MECOM: variants seen among roughly 807,000 people sequenced by gnomAD.
The protein encoded by MECOM is MDS1 and EVI1 complex locus, also known as histone-lysine N-methyltransferase MECOM.
A neutral mutation model predicts 116.3 loss-of-function variants in MECOM; 13 were observed. The observed-to-expected ratio is 0.11, with a 90% CI of 0.07 to 0.18. The LOEUF is 0.18. Ranked by LOEUF, MECOM falls within the 10% of genes least tolerant of loss-of-function variation. The pLI, the probability that MECOM is intolerant of heterozygous loss-of-function variation, is 1.00. For missense variants in MECOM, 1,299 were observed against 1,509.0 expected (o/e 0.86, Z 2.31); for synonymous variants, 528 against 535.2 (o/e 0.99, Z 0.19).
chr3:169,539,343 C>T (rs11718241), intron 1 of MECOM, among the ~76,000 whole-genome samples: 31,822 of 151,972 alleles, frequency 0.21, 4,419 homozygotes, highest in East Asian at 0.69. Context: ...CCCCATAGGA[C>T]CTCAACTTCT....
intron 1 of MECOM, among the ~76,000 whole-genome samples, chr3:169,600,955 T>C (rs1207519113): frequency 6.6e-6 from 1 of 152,216 alleles, no homozygotes; most frequent in African/African-American, 2.4e-5. Flanking sequence ...CATTCAGTGG[T>C]TCAAGATCCT....
chr3:169,643,769 A>G (rs1347372760), intron 1 of MECOM, among the ~76,000 whole-genome samples: 1 of 152,152 alleles, frequency 6.6e-6, no homozygotes, highest in African/African-American at 2.4e-5. Flanking sequence ...ACAGCTTCCT[A>G]TTTTATCTCA....
rs749381436 is a variant in MECOM, at chr3:169,305,902, G to T, written c.375+75285C>A. Among the ~76,000 whole-genome samples the T allele has an allele frequency of 3.3e-5, 5 of 151,476 alleles. No homozygotes were observed. The East Asian group carries it at 9.7e-4, about 29-fold the overall frequency. ...TCAGTTTTTTAACCCTGTAACAATGGCAGTTATTGGGAATGTCTCTCCACC... is the reference window on the plus strand; with the variant it reads ...TCAGTTTTTTAACCCTGTAACAATGTCAGTTATTGGGAATGTCTCTCCACC... On this transcript the variant is annotated intron_variant, in intron 2 of 16. Coordinates refer to ENST00000651503, the MANE Select transcript of MECOM (RefSeq NM_004991.4).
chr3:169,192,287 C>T (rs769536360), intron 2 of MECOM, among the ~76,000 whole-genome samples: 2 of 151,938 alleles, frequency 1.3e-5, no homozygotes, highest in African/African-American at 2.4e-5. Flanking sequence ...TTGTAAAACA[C>T]GTTTAGCAAT....
intron 3 of MECOM, among the ~76,000 whole-genome samples, chr3:169,142,643 C>A (rs9817251): frequency 5.3e-5 from 8 of 151,700 alleles, no homozygotes; most frequent in Non-Finnish European, 7.4e-5. Context: ...CCATTTAAAC[C>A]TAATTTTACA....
At chr3:169,197,536 T>C (rs1748595921) in intron 2 of MECOM, among the ~76,000 whole-genome samples, 1 of 151,936 alleles carries the variant, frequency 6.6e-6, no homozygotes, top group African/African-American at 2.4e-5. Context: ...GCAATTCATA[T>C]GATAATGTTA....
intron 12 of MECOM, among the ~76,000 whole-genome samples, chr3:169,097,335 T>A (rs922255118): frequency 7.9e-5 from 12 of 152,094 alleles, no homozygotes; most frequent in Non-Finnish European, 1.6e-4. Flanking sequence ...GCTAAAGTCT[T>A]GGCCAGAAAA....
At chr3:169,165,800 T>G (rs1406523215) in intron 2 of MECOM, among the ~76,000 whole-genome samples, 1 of 152,222 alleles carries the variant, frequency 6.6e-6, no homozygotes, top group Non-Finnish European at 1.5e-5. Flanking sequence ...AATTAAATTA[T>G]AACTGCTGAT....
At chr3:169,389,899 T>C (rs372475201) in intron 1 of MECOM, among the ~76,000 whole-genome samples, 2 of 152,196 alleles carry the variant, frequency 1.3e-5, no homozygotes, top group East Asian at 3.8e-4. Context: ...CTGGACACAT[T>C]AGTTGAGGAC....
chr3:169,088,303 C>T (rs532806300), intron 16 of MECOM, among the ~76,000 whole-genome samples: 3 of 152,104 alleles, frequency 2.0e-5, no homozygotes, highest in African/African-American at 7.2e-5. Flanking sequence ...TATTTTGTAA[C>T]AAAAACACTG....
intron 1 of MECOM, among the ~76,000 whole-genome samples, chr3:169,589,557 C>A (rs950924746): frequency 1.3e-5 from 2 of 152,104 alleles, no homozygotes; most frequent in African/African-American, 4.8e-5. Flanking sequence ...AAAAAACATT[C>A]TCTAATGACC....
At chr3:169,197,516 T>C (rs909729229) in intron 2 of MECOM, among the ~76,000 whole-genome samples, 4 of 151,940 alleles carry the variant, frequency 2.6e-5, no homozygotes, top group Non-Finnish European at 4.4e-5. Context: ...ATGTGTTATG[T>C]GTTTACAAGG....
Position 169,611,411 on chromosome 3 carries a change from C to T in MECOM, c.37+51925G>A, listed in dbSNP as rs570241637. ...CCATTCACACATTTTGTCCCCCTAA[C>T]CCTGTCTTTTCTGAGGGTGCATCAA... On this transcript the variant is annotated intron_variant, in intron 1 of 16. Transcript: ENST00000651503. This position sits in a 1 kb window ranked among gnomAD's most constrained non-coding sequence, Gnocchi z 4.1. Among the ~76,000 whole-genome samples the T allele has an allele frequency of 6.6e-6, 1 of 152,304 alleles. No individual in the cohort carries two copies. The highest frequency in any genetic ancestry group is 6.5e-5 in the Admixed American group (1 of 15,304).
chr3:169,201,257 ATGTGTGTG>A (rs59517316), intron 2 of MECOM, among the ~76,000 whole-genome samples: 8 of 150,210 alleles, frequency 5.3e-5, no homozygotes, highest in Admixed American at 2.0e-4. Flanking sequence ...TTTAGACAAG[ATGTGTGTG>A]TGTGTGTGTG....
At chr3:169,399,023 G>A (rs1160136502) in intron 1 of MECOM, among the ~76,000 whole-genome samples, 1 of 152,038 alleles carries the variant, frequency 6.6e-6, no homozygotes, top group East Asian at 1.9e-4. Flanking sequence ...CTTGCTTTAT[G>A]GATCACAAAG....
chr3:169,265,467 T>C (rs1577518033), intron 2 of MECOM, among the ~76,000 whole-genome samples: 1 of 152,238 alleles, frequency 6.6e-6, no homozygotes, highest in East Asian at 1.9e-4. Context: ...TAATTTGTAG[T>C]TCTAAATATC....
At chr3:169,604,374 C>T (rs9869461) in intron 1 of MECOM, among the ~76,000 whole-genome samples, 4,586 of 152,268 alleles carry the variant, frequency 0.03, 74 homozygotes, top group Middle Eastern at 0.058. Flanking sequence ...TTAGTTCATG[C>T]TTCTCATTTC....
At chr3:169,117,317 C>T (rs190613385) in intron 7 of MECOM, among the ~76,000 whole-genome samples, 2 of 152,268 alleles carry the variant, frequency 1.3e-5, no homozygotes, top group African/African-American at 4.8e-5. Flanking sequence ...ACATCAAAGC[C>T]ACACAACAAT....
intron 1 of MECOM, among the ~76,000 whole-genome samples, chr3:169,630,875 T>C (rs1453424536): frequency 2.0e-5 from 3 of 152,224 alleles, no homozygotes; most frequent in African/African-American, 7.2e-5. Flanking sequence ...ATAAAAGTGC[T>C]GGGATCCCAA....
Sources: gnomAD v4.1 joint callset for allele counts (sites outside exome capture counted in the v4.1 genomes callset) on GRCh38, gnomAD v4.1.1 for gene constraint, Gnocchi (gnomAD v3.1) non-coding constraint, MANE v1.5 for transcripts, NCBI Gene and HGNC (gene_info 2026-07-23, HGNC 2026-07-21) for gene names.